TIA1: variants seen among roughly 807,000 people sequenced by gnomAD.
TIA1 encodes cytotoxic granule associated RNA binding protein TIA1.
TIA1 carries 23 observed loss-of-function variants against 65.9 expected under a neutral mutation model. The ratio of observed to expected loss-of-function variants is 0.35; its 90% CI spans 0.25 to 0.49. TIA1 has a LOEUF of 0.49. Among genes scored for constraint, TIA1 ranks in the 20% least tolerant of loss-of-function variants. The pLI is 0.98. For synonymous variants in TIA1, 147 were observed against 149.4 expected, an observed-to-expected ratio of 0.98 and a Z score of 0.12; for missense variants, 371 against 477.9, an observed-to-expected ratio of 0.78 and a Z score of 2.09.
chr2:70,240,024 T>A (rs1690973652), intron 1 of TIA1, among the ~76,000 whole-genome samples: 1 of 152,210 alleles, frequency 6.6e-6, no homozygotes, highest in Non-Finnish European at 1.5e-5. Flanking sequence ...CAGGCAAGGA[T>A]CTTTAATTAA....
At chr2:70,236,200 A>C in intron 1 of TIA1, 25 bp from the exon 2 acceptor site, 36 of 1,405,388 alleles carry the variant, frequency 2.6e-5, no homozygotes, top group Admixed American at 2.1e-4. Context: ...GAAACAATTT[A>C]CCTTTTTTTT....
In TIA1 at chr2:70,248,616, A is replaced by T; in HGVS notation, c.-186T>A. 1.3e-6 allele frequency: 1 copy of T among 787,116 alleles called. No individual in the cohort carries two copies. The highest frequency in any genetic ancestry group is 2.0e-6 in the Non-Finnish European group (1 of 489,364). 48.8% of individuals were successfully genotyped at this position (787,116 alleles called of 1,614,324 possible). On this transcript the variant is annotated 5_prime_UTR_variant, in exon 1 of 13. Transcript: ENST00000433529. ...CCAGCGGGAACAATGAAACCCCAAT[A>T]CAAGATGGCGGCGAGCCGGGAGCCT... is the stretch of plus-strand genomic sequence containing the variant.
At position 70,241,897 on chromosome 2, in the gene TIA1, C is replaced by T. The variant is rs74620819; in HGVS notation, c.27-5722G>A. Among the ~76,000 whole-genome samples, 1,020 of 150,330 alleles carry T rather than the reference C, an allele frequency of 6.8e-3. 26 individuals are homozygous for T. The East Asian group carries it at 0.092, about 14-fold the overall frequency. ...CTCCAGTCTGGGCACCAGAGTGAGA[C>T]CTTACCTCTAAAAAAAAAAAAAAGT... is the stretch of plus-strand genomic sequence containing the variant. On this transcript the variant is annotated intron_variant, in intron 1 of 12. Coordinates refer to ENST00000433529, the MANE Select transcript of TIA1 (RefSeq NM_022173.4).
chr2:70,224,867 C>G (rs985224939), intron 6 of TIA1: 1 of 1,240,902 alleles, frequency 8.1e-7, no homozygotes, highest in Middle Eastern at 3.2e-4. Flanking sequence ...AATTGCCTCT[C>G]TCTTCAAAAA....
chr2:70,217,550 A>G (rs1433990344), intron 7 of TIA1, among the ~76,000 whole-genome samples: 1 of 152,068 alleles, frequency 6.6e-6, no homozygotes, highest in Non-Finnish European at 1.5e-5. Context: ...GGCACCTGCC[A>G]CCACGCCTGG....
rs945213942 is a variant in TIA1, at chr2:70,211,975, T to C, written c.*744A>G. 1.3e-5 allele frequency: 2 copies of C among 152,556 alleles called. No homozygotes were observed. Among genetic ancestry groups the C allele is most frequent in the African/African-American group, 4.8e-5 (2 of 41,466 alleles). The allele number at this position is 152,556 out of a possible 1,614,324, so 9.5% of individuals were successfully genotyped here. On this transcript the variant is annotated 3_prime_UTR_variant, in exon 13 of 13. Transcript: ENST00000433529. The stretch of plus-strand genomic sequence containing the variant: ...ACACAGCAAAGTTTATCACGAAAGA[T>C]AAAAATCCTTTTAAACAAATCCAAC...
intron 1 of TIA1, among the ~76,000 whole-genome samples, chr2:70,238,362 C>T (rs1690083186): frequency 6.8e-6 from 1 of 147,812 alleles, no homozygotes; most frequent in Non-Finnish European, 1.5e-5. Context: ...CCTCCACCTC[C>T]CAGGTTCAAG....
chr2:70,232,967 G>A (rs532614444), intron 2 of TIA1, among the ~76,000 whole-genome samples: 45 of 151,934 alleles, frequency 3.0e-4, no homozygotes, highest in Non-Finnish European at 4.7e-4. Flanking sequence ...TCAAGTAGCA[G>A]AAAAAAATTC....
At chr2:70,228,798 G>T in intron 5 of TIA1, 1 of 1,370,064 alleles carries the variant, frequency 7.3e-7, no homozygotes, top group Non-Finnish European at 9.4e-7. Flanking sequence ...AGAAAGGAGG[G>T]TATTTTGCCC....
chr2:70,219,645 A>AT (rs1255019789), intron 7 of TIA1, among the ~76,000 whole-genome samples: 10 of 147,056 alleles, frequency 6.8e-5, no homozygotes, highest in African/African-American at 1.3e-4. Flanking sequence ...TGTTTTTTTT[A>AT]TTTTTTTAAT....
chr2:70,230,676 T>A, intron 3 of TIA1, 80 bp downstream of exon 3: 1 of 1,107,898 alleles, frequency 9.0e-7, no homozygotes, highest in Non-Finnish European at 1.3e-6. Context: ...AAGTGTTTAA[T>A]GTTTCTAAAA....
intron 1 of TIA1, among the ~76,000 whole-genome samples, chr2:70,236,687 C>T (rs1047003910): frequency 6.6e-6 from 1 of 151,896 alleles, no homozygotes; most frequent in African/African-American, 2.4e-5. Context: ...AGTGTAGTGG[C>T]GCAATCTTGG....
At chr2:70,240,853 C>T (rs1028394302) in intron 1 of TIA1, among the ~76,000 whole-genome samples, 3 of 151,934 alleles carry the variant, frequency 2.0e-5, no homozygotes, top group African/African-American at 7.3e-5. Context: ...GCCAGGGTGA[C>T]AGAGCAAGAC....
intron 3 of TIA1, among the ~76,000 whole-genome samples, chr2:70,230,186 T>G (rs1685564833): frequency 6.9e-6 from 1 of 145,544 alleles, no homozygotes; most frequent in African/African-American, 2.6e-5. Flanking sequence ...GAGCTTGCAG[T>G]GAGCTGAGAT....
rs70956958 is a variant in TIA1, at chr2:70,244,834, C to CAAA, written c.26+3568_26+3570dup. Reference sequence around the variant, plus strand: ...TGGGTGACAGAGCGAGACTCTGTCTCAAAAAAAAAAAAAAAAAAAAAAAGA... The same window carrying CAAA: ...TGGGTGACAGAGCGAGACTCTGTCTCAAAAAAAAAAAAAAAAAAAAAAAAAAGA... On this transcript the variant is annotated intron_variant, in intron 1 of 12. Transcript: ENST00000433529. Among the ~76,000 whole-genome samples, 384 of 53,340 alleles carry CAAA rather than the reference C, an allele frequency of 7.2e-3. 13 individuals are homozygous for CAAA. The highest frequency in any genetic ancestry group is 0.02 in the African/African-American group (296 of 14,584). 35.0% of individuals were successfully genotyped at this position (53,340 alleles called of 152,430 possible).
intron 1 of TIA1, among the ~76,000 whole-genome samples, chr2:70,237,343 G>T (rs935463773): frequency 6.6e-5 from 10 of 151,860 alleles, no homozygotes; most frequent in African/African-American, 2.4e-4. Flanking sequence ...CAGAGGCTGG[G>T]TTAGCTGAGG....
chr2:70,228,794 G>T, intron 5 of TIA1: 4 of 1,364,168 alleles, frequency 2.9e-6, no homozygotes, highest in Non-Finnish European at 1.9e-6. Context: ...CTCAAGAAAG[G>T]AGGGTATTTT....
In TIA1 at chr2:70,229,237, T is replaced by C. The variant is rs111639821; in HGVS notation, c.277+27A>G. On this transcript the variant is annotated intron_variant, in intron 4 of 12. Coordinates refer to ENST00000433529, the MANE Select transcript of TIA1 (RefSeq NM_022173.4). ...AACTACTGGGTACAATAAAAACAAA[T>C]GTTCAAAGAGCATAAAATATACTTA... 2.2e-3 allele frequency: 3,523 copies of C among 1,613,030 alleles called. 80 individuals are homozygous for C. The African/African-American group carries it at 0.042, about 19-fold the overall frequency.
chr2:70,248,559 C>T lies in TIA1; in HGVS notation c.-129G>A, dbSNP rs1414695908. On this transcript the variant is annotated 5_prime_UTR_variant, in exon 1 of 13. Transcript: ENST00000433529. Reference sequence around the variant, plus strand: ...CTGACCAGAGGTTACTCCGCCTCCTCCTCCGGCGGCAATTACACTAAACCG... The same window carrying T: ...CTGACCAGAGGTTACTCCGCCTCCTTCTCCGGCGGCAATTACACTAAACCG... The T allele has an allele frequency of 7.1e-7, 1 of 1,402,328 alleles. No homozygotes were observed. Among genetic ancestry groups the T allele is most frequent in the South Asian group, 1.2e-5 (1 of 83,228 alleles). The allele number at this position is 1,402,328 out of a possible 1,614,324, so 86.9% of individuals were successfully genotyped here.
Sources: gnomAD v4.1 joint callset for allele counts (sites outside exome capture counted in the v4.1 genomes callset) on GRCh38, gnomAD v4.1.1 for gene constraint, MANE v1.5 for transcripts, NCBI Gene and HGNC (gene_info 2026-07-23, HGNC 2026-07-21) for gene names.